HECW2: variants seen among roughly 807,000 people sequenced by gnomAD.
HECW2 encodes E3 ubiquitin-protein ligase HECW2.
A neutral mutation model predicts 175.2 loss-of-function variants in HECW2; 61 were observed. The observed-to-expected ratio is 0.35, with a 90% CI of 0.28 to 0.43. The LOEUF (loss-of-function observed/expected upper bound fraction) is 0.43, where lower values mean the gene tolerates loss of function less well. HECW2 is among the 20% of genes least tolerant of loss of function. The pLI is 1.00. For synonymous variants in HECW2, 671 were observed against 731.0 expected (o/e 0.92, Z 1.32); for missense variants, 1,524 against 2,000.5 (o/e 0.76, Z 4.54).
At chr2:196,519,804 C>A (rs1259585160) in intron 1 of HECW2, among the ~76,000 whole-genome samples, 1 of 152,210 alleles carries the variant, frequency 6.6e-6, no homozygotes, top group African/African-American at 2.4e-5. Flanking sequence ...AATACGAGAA[C>A]TATATGAATC....
intron 14 of HECW2, among the ~76,000 whole-genome samples, chr2:196,287,707 CAT>C (rs1362163294): frequency 6.6e-6 from 1 of 152,294 alleles, no homozygotes; most frequent in East Asian, 1.9e-4. Context: ...TCATGTAATT[CAT>C]ATGTGTCTCT....
chr2:196,352,258 G>A (rs773054302), intron 2 of HECW2, among the ~76,000 whole-genome samples: 5 of 152,158 alleles, frequency 3.3e-5, no homozygotes, highest in Non-Finnish European at 5.9e-5. Context: ...TGGCGACTAC[G>A]GCTTTGAAGC....
At chr2:196,434,953 T>C (rs774053638) in intron 1 of HECW2, among the ~76,000 whole-genome samples, 88 of 152,326 alleles carry the variant, frequency 5.8e-4, no homozygotes, top group Admixed American at 1.9e-3. Context: ...CAAGGGAAGA[T>C]AGGGTTTTTT....
chr2:196,289,289 G>A (rs1204196671), intron 14 of HECW2: 1 of 100,318 alleles, frequency 1.0e-5, no homozygotes, highest in Non-Finnish European at 2.5e-5. Context: ...CTAGAAATCA[G>A]TCATCACTGT....
intron 1 of HECW2, among the ~76,000 whole-genome samples, chr2:196,451,839 C>T (rs906986746): frequency 4.6e-5 from 7 of 152,114 alleles, no homozygotes; most frequent in African/African-American, 1.7e-4. Flanking sequence ...GCGGAAGTTG[C>T]AGTGAACCGA....
chr2:196,441,506 A>G (rs1448519179), intron 1 of HECW2, among the ~76,000 whole-genome samples: 1 of 152,192 alleles, frequency 6.6e-6, no homozygotes, highest in Non-Finnish European at 1.5e-5. Context: ...GTCAAGATAT[A>G]ATTAGCCTGC....
At chr2:196,306,218 T>C (rs1691254612) in intron 13 of HECW2, among the ~76,000 whole-genome samples, 1 of 152,204 alleles carries the variant, frequency 6.6e-6, no homozygotes, top group Non-Finnish European at 1.5e-5. Flanking sequence ...TGCCTCAATC[T>C]TGGCCTTCAC....
chr2:196,450,844 C>G (rs1696325947), intron 1 of HECW2, among the ~76,000 whole-genome samples: 1 of 152,028 alleles, frequency 6.6e-6, no homozygotes, highest in African/African-American at 2.4e-5. Flanking sequence ...TTGAGAACTG[C>G]TGACATAAGA....
chr2:196,336,480 C>A (rs1201082661), intron 3 of HECW2, among the ~76,000 whole-genome samples: 1 of 152,186 alleles, frequency 6.6e-6, no homozygotes, highest in Non-Finnish European at 1.5e-5. Context: ...CTACAGGCAG[C>A]ACCTCATAGA....
chr2:196,523,945 A>G (rs1028992010), intron 1 of HECW2, among the ~76,000 whole-genome samples: 14 of 151,986 alleles, frequency 9.2e-5, no homozygotes, highest in Admixed American at 7.2e-4. Flanking sequence ...GTCTTTTTTG[A>G]TTGTGTCTCT....
chr2:196,420,538 A>G (rs1421094762), intron 2 of HECW2, among the ~76,000 whole-genome samples: 2 of 152,362 alleles, frequency 1.3e-5, no homozygotes, highest in East Asian at 3.9e-4. Context: ...TTTTGGATAT[A>G]TCTGACACCT....
intron 1 of HECW2, among the ~76,000 whole-genome samples, chr2:196,516,127 ACT>A (rs1371300474): frequency 2.0e-5 from 3 of 152,122 alleles, no homozygotes; most frequent in South Asian, 2.1e-4. Context: ...ACAGAGCAAA[ACT>A]CTGTCTCAAT....
chr2:196,524,720 T>C (rs2125441620), intron 1 of HECW2, among the ~76,000 whole-genome samples: 1 of 121,778 alleles, frequency 8.2e-6, no homozygotes, highest in South Asian at 2.5e-4. Context: ...ATTTCTGCCT[T>C]CATTTTGTTA....
chr2:196,259,699 G>A (rs565651775), intron 17 of HECW2, among the ~76,000 whole-genome samples: 35 of 152,126 alleles, frequency 2.3e-4, no homozygotes, highest in African/African-American at 8.2e-4. Flanking sequence ...CTCAAGTTTT[G>A]GAATCATACA....
At chr2:196,228,424 C>T (rs1687930603) in intron 21 of HECW2, among the ~76,000 whole-genome samples, 170 bp from the exon 22 acceptor site, 1 of 152,184 alleles carries the variant, frequency 6.6e-6, no homozygotes, top group Admixed American at 6.5e-5. Context: ...CTCATTGTGT[C>T]TTGACCCAGA....
rs147266470 is a variant in HECW2 at position 196,590,483 on chromosome 2, G to A, written c.-36+3025C>T. On this transcript the variant is annotated intron_variant, in intron 1 of 28. Transcript: ENST00000644978. ...ACTGGTTCCAGTTTTTCCCAAGAAA[G>A]TAGTCAGCAATGCACAAGAATGTGG... 6.0e-4 allele frequency among the ~76,000 whole-genome samples: 91 copies of A among 152,248 alleles called. No individual in the cohort carries two copies. The East Asian group carries it at 9.3e-3, about 16-fold the overall frequency.
intron 2 of HECW2, among the ~76,000 whole-genome samples, chr2:196,372,711 C>A (rs1234077024): frequency 1.3e-5 from 2 of 152,150 alleles, no homozygotes; most frequent in Admixed American, 1.3e-4. Context: ...AATTTGCTTT[C>A]TGATGCTTAT....
chr2:196,213,963 A>G (rs974585027), intron 28 of HECW2, among the ~76,000 whole-genome samples: 2 of 152,170 alleles, frequency 1.3e-5, no homozygotes, highest in African/African-American at 4.8e-5. Context: ...TGGGACTAGA[A>G]GCTAGGTCTT....
At chr2:196,580,116 A>G (rs1009091358) in intron 1 of HECW2, among the ~76,000 whole-genome samples, 8 of 152,226 alleles carry the variant, frequency 5.3e-5, no homozygotes, top group African/African-American at 1.9e-4. Flanking sequence ...TAAAAGGATC[A>G]ATTGAAAAGG....
Sources: allele counts gnomAD v4.1 joint callset (sites outside exome capture counted in the v4.1 genomes callset), GRCh38; gene constraint gnomAD v4.1.1; transcripts MANE v1.5; gene names NCBI Gene and HGNC (gene_info 2026-07-23, HGNC 2026-07-21).